The following UBAP2 variants were observed in gnomAD, a reference collection of about 807,000 sequenced individuals.
UBAP2 encodes ubiquitin associated protein 2.
A neutral mutation model predicts 139.6 loss-of-function variants in UBAP2; 75 were observed. The ratio of observed to expected loss-of-function variants is 0.54; its 90% CI spans 0.45 to 0.65. UBAP2 has a LOEUF of 0.65. Ranked by LOEUF, UBAP2 falls within the 30% of genes least tolerant of loss-of-function variation. UBAP2 has a pLI of 0.00. For synonymous variants in UBAP2, 526 were observed against 526.2 expected (o/e 1.00, Z 0.01); for missense variants, 1,368 against 1,369.6 (o/e 1.00, Z 0.02).
chr9:34,044,090 CAAAAAAAAAAAAA>C (rs74180528), intron 1 of UBAP2, among the ~76,000 whole-genome samples: 1 of 85,194 alleles, frequency 1.2e-5, no homozygotes, highest in Non-Finnish European at 2.2e-5. Flanking sequence ...AACTCCACCT[CAAAAAAAAAAAAA>C]AAAAAAAAAA....
At chr9:34,005,845 G>A (rs575790278) in intron 2 of UBAP2, among the ~76,000 whole-genome samples, 7 of 152,258 alleles carry the variant, frequency 4.6e-5, no homozygotes, top group Admixed American at 3.9e-4. Context: ...ACCAAAAAAT[G>A]CATAAATATG....
At chr9:33,952,297 T>C (rs1826167136) in intron 12 of UBAP2, among the ~76,000 whole-genome samples, 1 of 152,204 alleles carries the variant, frequency 6.6e-6, no homozygotes, top group Non-Finnish European at 1.5e-5. Context: ...TAAAGCAACA[T>C]TCTTGTATAA....
intron 19 of UBAP2, among the ~76,000 whole-genome samples, chr9:33,931,223 A>G (rs1823953528): frequency 6.6e-6 from 1 of 152,214 alleles, no homozygotes. Flanking sequence ...TGGGTTCCAC[A>G]GGGGCAACTG....
At chr9:33,933,360 C>A (rs956831654) in intron 18 of UBAP2, 130 bp downstream of exon 18, 1 of 1,099,974 alleles carries the variant, frequency 9.1e-7, no homozygotes, top group Non-Finnish European at 1.3e-6. Flanking sequence ...AAGCTACAGT[C>A]GTAATGCAAA....
At chr9:33,986,866 T>C in intron 5 of UBAP2, 29 bp from the exon 6 acceptor site, 1 of 1,596,330 alleles carries the variant, frequency 6.3e-7, no homozygotes, top group Non-Finnish European at 8.6e-7. Context: ...AAAAATCAAA[T>C]TTCCATTTCC....
At chr9:34,041,600 G>A (rs1827100276) in intron 1 of UBAP2, among the ~76,000 whole-genome samples, 1 of 152,104 alleles carries the variant, frequency 6.6e-6, no homozygotes, top group Non-Finnish European at 1.5e-5. Context: ...GGGAGGCCGA[G>A]GCAGGAGAAT....
chr9:33,970,372 T>C (rs1413097007), intron 8 of UBAP2, among the ~76,000 whole-genome samples: 1 of 152,128 alleles, frequency 6.6e-6, no homozygotes, highest in Admixed American at 6.5e-5. Flanking sequence ...TGGTTAGTCG[T>C]GCTTCTGGTG....
intron 13 of UBAP2, among the ~76,000 whole-genome samples, chr9:33,946,872 T>A (rs1465663066): frequency 1.3e-5 from 2 of 152,208 alleles, no homozygotes; most frequent in African/African-American, 4.8e-5. Context: ...CAGAAAAAGT[T>A]AATATAGGGA....
rs530438384 is a variant in UBAP2 at position 34,038,417 on chromosome 9, C to T, written c.-42+10408G>A. 3.9e-5 allele frequency among the ~76,000 whole-genome samples: 6 copies of T among 152,334 alleles called. No individual in the cohort carries two copies. In the East Asian group the frequency reaches 5.8e-4, roughly 15 times the overall value. ...CCTGCCTCGGCCTGCCAAGTGCCTGCGATTGCAGGCGCGCGCCGCCACACC... is the reference window on the plus strand; with the variant it reads ...CCTGCCTCGGCCTGCCAAGTGCCTGTGATTGCAGGCGCGCGCCGCCACACC... On this transcript the variant is annotated intron_variant, in intron 1 of 28. Coordinates refer to ENST00000379238, the MANE Select transcript of UBAP2 (RefSeq NM_001370062.2).
At chr9:33,947,528 A>G (rs1303557635) in intron 13 of UBAP2, among the ~76,000 whole-genome samples, 2 of 152,148 alleles carry the variant, frequency 1.3e-5, no homozygotes, top group Non-Finnish European at 2.9e-5. Flanking sequence ...GTGATAGTTA[A>G]AATACTGTCC....
chr9:33,927,662 C>A, intron 20 of UBAP2, 135 bp downstream of exon 20: 5 of 898,638 alleles, frequency 5.6e-6, no homozygotes, highest in Non-Finnish European at 8.2e-6. Flanking sequence ...GAGATTGGGC[C>A]TCAAGGTCAG....
At chr9:34,004,960 T>C (rs1823057698) in intron 2 of UBAP2, among the ~76,000 whole-genome samples, 1 of 151,076 alleles carries the variant, frequency 6.6e-6, no homozygotes, top group South Asian at 2.1e-4. Flanking sequence ...CACCTTTTTC[T>C]TAAATCCCAT....
Position 33,923,474 on chromosome 9 carries a change from G to A in UBAP2, c.2801C>T (p.Pro934Leu), listed in dbSNP as rs747822349. 10 of 1,613,992 alleles carry A rather than the reference G, an allele frequency of 6.2e-6. No homozygotes were observed. Among genetic ancestry groups the A allele is most frequent in the Non-Finnish European group, 8.5e-6 (10 of 1,180,022 alleles). Residue 934 changes from proline (P) to leucine (L), a missense_variant, in exon 25 of 29, where the codon CCT (proline) becomes CTT (leucine). Coordinates refer to ENST00000379238, the MANE Select transcript of UBAP2 (RefSeq NM_001370062.2). ...CCCATGTTGCTTGGCTGAGGCTGGA[G>A]GGACCTGGGGGGGCAAGCAGATGAG... The part of the protein sequence containing the change: ...AFQYGPTMFV[P>L]PASAKQHGVN...
At chr9:33,974,564 G>C (rs531913567) in intron 6 of UBAP2, among the ~76,000 whole-genome samples, 9 of 152,156 alleles carry the variant, frequency 5.9e-5, no homozygotes, top group African/African-American at 2.2e-4. Context: ...CCCAAAGAAT[G>C]GAAGAAAATA....
At chr9:34,043,109 T>G (rs915419707) in intron 1 of UBAP2, among the ~76,000 whole-genome samples, 1 of 152,144 alleles carries the variant, frequency 6.6e-6, no homozygotes, top group African/African-American at 2.4e-5. Context: ...CCCAACCACC[T>G]TCTACGTTAT....
chr9:34,040,137 C>T (rs1826929448), intron 1 of UBAP2, among the ~76,000 whole-genome samples: 1 of 145,870 alleles, frequency 6.9e-6, no homozygotes, highest in Non-Finnish European at 1.5e-5. Flanking sequence ...CTAGCCTGGG[C>T]GACAAGGGCT....
intron 17 of UBAP2, 37 bp from the exon 18 acceptor site, chr9:33,933,665 TTTA>T: frequency 6.2e-7 from 1 of 1,607,282 alleles, no homozygotes; most frequent in Non-Finnish European, 8.5e-7. Flanking sequence ...AGCAGATCTG[TTTA>T]TTTCTAAAAC....
chr9:33,961,034 A>G (rs1232213242), intron 9 of UBAP2, among the ~76,000 whole-genome samples, 156 bp from the exon 10 acceptor site: 2 of 152,158 alleles, frequency 1.3e-5, no homozygotes, highest in Non-Finnish European at 2.9e-5. Flanking sequence ...TTCTTAATCT[A>G]TTCTCGGTAA....
Position 34,019,688 on chromosome 9 carries a change from T to TACACAC in UBAP2, c.-41-2505_-41-2500dup, listed in dbSNP as rs56358132. Among the ~76,000 whole-genome samples, 1,024 of 144,838 alleles carry TACACAC rather than the reference T, an allele frequency of 7.1e-3. 11 individuals carry two copies. Among genetic ancestry groups the TACACAC allele is most frequent in the African/African-American group, 0.015 (583 of 38,792 alleles). ...AAACTTTATGTTATGTACATTTTAC[T>TACACAC]ACACACACACACACACACACACACA... is the stretch of plus-strand genomic sequence containing the variant. On this transcript the variant is annotated intron_variant, in intron 1 of 28. Transcript: ENST00000379238.
Sources: allele counts gnomAD v4.1 joint callset (sites outside exome capture counted in the v4.1 genomes callset), GRCh38; gene constraint gnomAD v4.1.1; transcripts MANE v1.5; gene names NCBI Gene and HGNC (gene_info 2026-07-23, HGNC 2026-07-21).